OSTF1: variants seen among roughly 807,000 people sequenced by gnomAD.
OSTF1 encodes the protein osteoclast-stimulating factor 1.
In OSTF1, 27 loss-of-function variants were observed where a neutral mutation model predicts 37.2. The ratio of observed to expected loss-of-function variants is 0.73; its 90% CI spans 0.54 to 1.00. The LOEUF is 1.00. OSTF1 is among the 50% of genes least tolerant of loss of function. The probability of loss-of-function intolerance (pLI) is 0.00; values close to 1 mark genes in which losing one functional copy is unlikely to be tolerated. For synonymous variants in OSTF1, 82 were observed against 89.2 expected, an observed-to-expected ratio of 0.92 and a Z score of 0.46; for missense variants, 232 against 253.8, an observed-to-expected ratio of 0.91 and a Z score of 0.58.
intron 1 of OSTF1, among the ~76,000 whole-genome samples, chr9:75,089,614 A>G (rs1471741478): frequency 6.6e-5 from 10 of 152,108 alleles, no homozygotes. Flanking sequence ...TACTTTAACA[A>G]CTCTTACGTG....
intron 1 of OSTF1, among the ~76,000 whole-genome samples, chr9:75,116,878 C>T (rs1314440226): frequency 6.6e-6 from 1 of 152,068 alleles, no homozygotes; most frequent in East Asian, 1.9e-4. Flanking sequence ...TTCTTACATT[C>T]ACTTAAGAAA....
chr9:75,117,432 A>G, intron 1 of OSTF1, 72 bp from the exon 2 acceptor site: 1 of 1,002,110 alleles, frequency 1.0e-6, no homozygotes, highest in Non-Finnish European at 1.6e-6. Context: ...TCTGAAGGAT[A>G]TAATGGATAA....
At chr9:75,115,689 T>G (rs1312538447) in intron 1 of OSTF1, among the ~76,000 whole-genome samples, 1 of 152,126 alleles carries the variant, frequency 6.6e-6, no homozygotes, top group Non-Finnish European at 1.5e-5. Context: ...TATAGGCTTT[T>G]TTCCTATACT....
chr9:75,128,570 TATATTTTGTCC>T lies in OSTF1; in HGVS notation c.132+956_132+966del, dbSNP rs1430917770. Reference sequence around the variant, plus strand: ...TTTTGTCCATATATATATATATATATATATTTTGTCCATATATATATATATATATATATATA... The same window carrying T: ...TTTTGTCCATATATATATATATATATATATATATATATATATATATATATA... On this transcript the variant is annotated intron_variant, in intron 3 of 9. Coordinates refer to ENST00000346234, the MANE Select transcript of OSTF1 (RefSeq NM_012383.5). 3.4e-4 allele frequency among the ~76,000 whole-genome samples: 6 copies of T among 17,392 alleles called. 2 individuals carry two copies. Among genetic ancestry groups the T allele is most frequent in the East Asian group, 8.9e-4 (1 of 1,122 alleles). 11.4% of individuals were successfully genotyped at this position (17,392 alleles called of 152,430 possible).
At chr9:75,116,921 C>T (rs957683044) in intron 1 of OSTF1, among the ~76,000 whole-genome samples, 2 of 152,032 alleles carry the variant, frequency 1.3e-5, no homozygotes, top group Non-Finnish European at 2.9e-5. Context: ...GGAAAAGGCA[C>T]TCAATTCTGA....
chr9:75,103,933 A>T (rs1587442999), intron 1 of OSTF1, among the ~76,000 whole-genome samples: 1 of 152,338 alleles, frequency 6.6e-6, no homozygotes, highest in East Asian at 1.9e-4. Flanking sequence ...TGTTTGCTTA[A>T]AACAAGCATT....
At chr9:75,098,548 A>G (rs1037974934) in intron 1 of OSTF1, among the ~76,000 whole-genome samples, 1 of 152,176 alleles carries the variant, frequency 6.6e-6, no homozygotes, top group Non-Finnish European at 1.5e-5. Flanking sequence ...TTGTTCTTGA[A>G]TGGCCATCGA....
chr9:75,135,326 A>C (rs576242267), intron 7 of OSTF1, among the ~76,000 whole-genome samples: 24 of 152,032 alleles, frequency 1.6e-4, no homozygotes, highest in Non-Finnish European at 2.8e-4. Flanking sequence ...CCATTCTTTT[A>C]TGTATGATCT....
intron 2 of OSTF1, among the ~76,000 whole-genome samples, chr9:75,119,572 C>CT (rs1825545808): frequency 3.3e-5 from 5 of 152,190 alleles, no homozygotes. Flanking sequence ...GGATTGGTTT[C>CT]TTCTGAGGCC....
rs1392274318 is a variant in OSTF1 at position 75,096,076 on chromosome 9, A to G, written c.34+7350A>G. 3.3e-5 allele frequency among the ~76,000 whole-genome samples: 5 copies of G among 152,184 alleles called. No individual in the cohort carries two copies. In the East Asian group the frequency reaches 7.7e-4, roughly 24 times the overall value. ...CTGGCTAATTTTTGGTATTTTTAGT[A>G]GAGTCAGGGTTTCACCGTGTTAGCC... On this transcript the variant is annotated intron_variant, in intron 1 of 9. Transcript: ENST00000346234.
At position 75,146,561 on chromosome 9, in the gene OSTF1, A is replaced by G. The variant is rs549928229; in HGVS notation, c.587-122A>G. On this transcript the variant is annotated intron_variant, in intron 9 of 9. Coordinates refer to ENST00000346234, the MANE Select transcript of OSTF1 (RefSeq NM_012383.5). ...AAAGCAGAGAAAGATCCTCAGGGAA[A>G]GTACAATCCCTGGGTCAGATGGAAG... 2.4e-5 allele frequency: 17 copies of G among 699,124 alleles called. No individual in the cohort carries two copies. The South Asian group carries it at 2.7e-4, about 11-fold the overall frequency. 43.3% of individuals were successfully genotyped at this position (699,124 alleles called of 1,614,324 possible). A position where few individuals can be genotyped will look rare whatever the true frequency, so the allele number is the denominator to read the frequency against.
At chr9:75,091,288 G>A (rs1824970707) in intron 1 of OSTF1, among the ~76,000 whole-genome samples, 1 of 151,702 alleles carries the variant, frequency 6.6e-6, no homozygotes, top group African/African-American at 2.4e-5. Flanking sequence ...ACAGGATCCA[G>A]GCTGGTCTTG....
chr9:75,120,112 C>A (rs977502600), intron 2 of OSTF1, among the ~76,000 whole-genome samples: 1 of 152,290 alleles, frequency 6.6e-6, no homozygotes, highest in East Asian at 1.9e-4. Context: ...CCAATAAACT[C>A]ATTGTAAGAC....
chr9:75,112,221 G>T (rs1825404216), intron 1 of OSTF1, among the ~76,000 whole-genome samples: 1 of 151,352 alleles, frequency 6.6e-6, no homozygotes, highest in African/African-American at 2.4e-5. Context: ...TAGACCTATA[G>T]AACATTGCTC....
At chr9:75,101,436 T>C (rs766819886) in intron 1 of OSTF1, among the ~76,000 whole-genome samples, 6 of 152,222 alleles carry the variant, frequency 3.9e-5, no homozygotes, top group Non-Finnish European at 8.8e-5. Context: ...AAGAAACAGA[T>C]GCTTTGGACA....
intron 1 of OSTF1, among the ~76,000 whole-genome samples, chr9:75,093,151 G>C (rs779077780): frequency 6.7e-6 from 1 of 149,370 alleles, no homozygotes; most frequent in Non-Finnish European, 1.5e-5. Context: ...TCCTTCCTGA[G>C]CTTCCAGAGT....
intron 9 of OSTF1, among the ~76,000 whole-genome samples, 192 bp downstream of exon 9, chr9:75,141,124 C>A (rs568666193): frequency 2.9e-4 from 44 of 151,822 alleles, no homozygotes; most frequent in Middle Eastern, 3.4e-3. Context: ...TAAAGTGAGA[C>A]CTCTGTCTCT....
intron 1 of OSTF1, among the ~76,000 whole-genome samples, chr9:75,104,134 C>T (rs941203723): frequency 6.6e-6 from 1 of 152,034 alleles, no homozygotes; most frequent in Non-Finnish European, 1.5e-5. Context: ...GTCTCAGCTG[C>T]TTGGGAGACT....
chr9:75,110,381 A>G (rs1825365328), intron 1 of OSTF1, among the ~76,000 whole-genome samples: 1 of 152,196 alleles, frequency 6.6e-6, no homozygotes, highest in South Asian at 2.1e-4. Flanking sequence ...TCACTTAGTA[A>G]TACGCATTTT....
Sources: allele counts gnomAD v4.1 joint callset (sites outside exome capture counted in the v4.1 genomes callset), GRCh38; gene constraint gnomAD v4.1.1; transcripts MANE v1.5; gene names NCBI Gene and HGNC (gene_info 2026-07-23, HGNC 2026-07-21).